The following PARS2 variants were observed in gnomAD, a reference collection of about 807,000 sequenced individuals.
PARS2 encodes the protein prolyl-tRNA synthetase 2, mitochondrial, also known as probable proline--tRNA ligase, mitochondrial.
Under a neutral mutation model 27.4 loss-of-function variants are expected in PARS2, and 20 were observed. The ratio of observed to expected loss-of-function variants is 0.73; its 90% CI spans 0.51 to 1.06. PARS2 has a LOEUF of 1.06. Among genes scored for constraint, PARS2 ranks in the 50% least tolerant of loss-of-function variants. The pLI, the probability that PARS2 is intolerant of heterozygous loss-of-function variation, is 0.00. For missense variants in PARS2, 585 were observed against 602.1 expected, an observed-to-expected ratio of 0.97 and a Z score of 0.30; for synonymous variants, 240 against 247.1, an observed-to-expected ratio of 0.97 and a Z score of 0.27.
At chr1:54,761,760 C>T (rs1413951400) in intron 1 of PARS2, among the ~76,000 whole-genome samples, 1 of 152,188 alleles carries the variant, frequency 6.6e-6, no homozygotes, top group Non-Finnish European at 1.5e-5. Flanking sequence ...AGCTTGTCCC[C>T]TCCAACCTCA....
chr1:54,759,203 G>T lies in PARS2; in HGVS notation c.-29-13C>A. 1.4e-6 allele frequency: 2 copies of T among 1,469,728 alleles called. No homozygotes were observed. The highest frequency in any genetic ancestry group is 1.3e-5 in the South Asian group (1 of 75,692). The allele number at this position is 1,469,728 out of a possible 1,614,324, so 91.0% of individuals were successfully genotyped here. On this transcript the variant is annotated splice_polypyrimidine_tract_variant and intron_variant, in intron 1 of 1. Transcript: ENST00000371279. ...GAAGCACAGGCACCTGAGGAAAAAT[G>T]AGTTGTGTGAGAATGAGCCTCATCC...
intron 1 of PARS2, among the ~76,000 whole-genome samples, chr1:54,759,622 G>A (rs139124829): frequency 1.2e-4 from 18 of 152,292 alleles, no homozygotes; most frequent in African/African-American, 4.3e-4. Context: ...AGTTATAAAA[G>A]TTCTTGGAAC....
At chr1:54,760,616 C>G (rs1210001962) in intron 1 of PARS2, among the ~76,000 whole-genome samples, 2 of 152,194 alleles carry the variant, frequency 1.3e-5, no homozygotes, top group Admixed American at 1.3e-4. Flanking sequence ...GGGAGACTTC[C>G]CAAGCACAGA....
At chr1:54,763,691 G>T (rs1646169397) in intron 1 of PARS2, among the ~76,000 whole-genome samples, 2 of 152,254 alleles carry the variant, frequency 1.3e-5, no homozygotes, top group African/African-American at 4.8e-5. Flanking sequence ...AACACTTCAG[G>T]CTCTGGCAAA....
Position 54,758,567 on chromosome 1 carries a change from G to C in PARS2, c.595C>G (p.Leu199Val). ...TTCATGTAAAACTCTCGGCCACGGA[G>C]AAGACCAAAGCGGGGCCTGGGCTCA... is the stretch of plus-strand genomic sequence containing the variant. ...RDEPRPRFGL[L>V]RGREFYMKDM... Residue 199 changes from leucine to valine, a missense_variant, in exon 2 of 2, where the codon CTC (leucine) becomes GTC (valine). Coordinates refer to ENST00000371279, the MANE Select transcript of PARS2 (RefSeq NM_152268.4). The C allele has an allele frequency of 6.2e-7, 1 of 1,614,218 alleles. No individual in the cohort carries two copies. Among genetic ancestry groups the C allele is most frequent in the Non-Finnish European group, 8.5e-7 (1 of 1,180,028 alleles).
intron 1 of PARS2, among the ~76,000 whole-genome samples, chr1:54,760,141 A>G (rs938489223): frequency 2.6e-5 from 4 of 152,030 alleles, no homozygotes; most frequent in Non-Finnish European, 5.9e-5. Context: ...ACCTGCCCCC[A>G]ATATTTAAAT....
chr1:54,763,536 A>ATT (rs1372915523), intron 1 of PARS2, among the ~76,000 whole-genome samples: 1 of 152,212 alleles, frequency 6.6e-6, no homozygotes, highest in Non-Finnish European at 1.5e-5. Context: ...CAATGATATA[A>ATT]TTATCTGGAT....
Position 54,756,940 on chromosome 1 carries a change from AGTG to A in PARS2, c.*791_*793del, listed in dbSNP as rs1041116001. ...TATTAAATCAATAGAACGGGATCTC[AGTG>A]GTTAAGCCGTCTTAACAGGGCCAGG... On this transcript the variant is annotated 3_prime_UTR_variant, in exon 2 of 2. Coordinates refer to ENST00000371279, the MANE Select transcript of PARS2 (RefSeq NM_152268.4). 29 of 152,158 alleles carry A rather than the reference AGTG, an allele frequency of 1.9e-4. No homozygotes were observed. Among genetic ancestry groups the A allele is most frequent in the African/African-American group, 5.5e-4 (23 of 41,444 alleles). 9.4% of individuals were successfully genotyped at this position (152,158 alleles called of 1,614,324 possible).
Position 54,757,701 on chromosome 1 carries a change from C to T in PARS2, c.*33G>A. 6.9e-7 allele frequency: 1 copy of T among 1,457,466 alleles called. No individual in the cohort carries two copies. Among genetic ancestry groups the T allele is most frequent in the Non-Finnish European group, 9.5e-7 (1 of 1,056,676 alleles). 90.3% of individuals were successfully genotyped at this position (1,457,466 alleles called of 1,614,324 possible). ...TGCAGTGTTAGAACGAACACCAAGGCTGCAAATGGGGGCAGGGGTGGGCTG... is the reference window on the plus strand; with the variant it reads ...TGCAGTGTTAGAACGAACACCAAGGTTGCAAATGGGGGCAGGGGTGGGCTG... On this transcript the variant is annotated 3_prime_UTR_variant, in exon 2 of 2. Transcript: ENST00000371279.
chr1:54,760,698 G>C lies in PARS2; in HGVS notation c.-29-1508C>G, dbSNP rs576880863. Among the ~76,000 whole-genome samples the C allele has an allele frequency of 5.9e-5, 9 of 152,240 alleles. 1 individual carries two copies. In the East Asian group the frequency reaches 1.7e-3, roughly 29 times the overall value. ...ATAAGGTCTAAGCTTCTGACTTTCA[G>C]GGTGTGCACAGCCCCACATAAGCTG... is the stretch of plus-strand genomic sequence containing the variant. On this transcript the variant is annotated intron_variant, in intron 1 of 1. Coordinates refer to ENST00000371279, the MANE Select transcript of PARS2 (RefSeq NM_152268.4).
In PARS2 at chr1:54,758,288, A is replaced by G. The variant is rs779085274; in HGVS notation, c.874T>C (p.Cys292Arg). The change falls in exon 2 of 2, where the codon TGC (cysteine) becomes CGC (arginine). Residue 292 changes from cysteine to arginine, a missense_variant. Coordinates refer to ENST00000371279, the MANE Select transcript of PARS2 (RefSeq NM_152268.4). ...METLDLSQMN[C>R]PACQGPLTKT... ...GTCAATGGGCCCTGGCAAGCAGGGC[A>G]GTTCATTTGTGACAAGTCTAGTGTC... 5.0e-6 allele frequency: 8 copies of G among 1,614,232 alleles called. No individual in the cohort carries two copies. The highest frequency in any genetic ancestry group is 6.8e-6 in the Non-Finnish European group (8 of 1,180,038).
chr1:54,760,681 T>C (rs1158314213), intron 1 of PARS2, among the ~76,000 whole-genome samples: 1 of 152,234 alleles, frequency 6.6e-6, no homozygotes, highest in Non-Finnish European at 1.5e-5. Flanking sequence ...GAATAAGGTC[T>C]AAGCTTCTGA....
At chr1:54,762,720 T>C (rs1646164359) in intron 1 of PARS2, among the ~76,000 whole-genome samples, 1 of 152,154 alleles carries the variant, frequency 6.6e-6, no homozygotes, top group Admixed American at 6.5e-5. Context: ...CTCAATAACA[T>C]GTTCCTTTTT....
chr1:54,758,411 T>C lies in PARS2; in HGVS notation c.751A>G (p.Ile251Val). 6 of 1,614,224 alleles carry C rather than the reference T, an allele frequency of 3.7e-6. No homozygotes were observed. The highest frequency in any genetic ancestry group is 5.1e-6 in the Non-Finnish European group (6 of 1,180,046). ...AACTCATGAGACACTGTGCCCCCGA[T>C]GGTGCCCACATCGGCCTGGACCTTG... is the stretch of plus-strand genomic sequence containing the variant. ...FVKVQADVGT[I>V]GGTVSHEFQL... The change falls in exon 2 of 2, where the codon ATC (isoleucine) becomes GTC (valine). Residue 251 changes from isoleucine (I) to valine (V), a missense_variant. Ile to Val is a conservative substitution (Grantham distance 29). Coordinates refer to ENST00000371279, the MANE Select transcript of PARS2 (RefSeq NM_152268.4).
intron 1 of PARS2, among the ~76,000 whole-genome samples, chr1:54,760,050 T>C (rs1003914371): frequency 6.6e-6 from 1 of 151,958 alleles, no homozygotes; most frequent in Non-Finnish European, 1.5e-5. Context: ...TCCCTCAGCC[T>C]GGAGTCAACT....
rs1203628047 is a variant in PARS2, at chr1:54,757,712, G to A, written c.*22C>T. On this transcript the variant is annotated 3_prime_UTR_variant, in exon 2 of 2. Transcript: ENST00000371279. ...AACGAACACCAAGGCTGCAAATGGG[G>A]GCAGGGGTGGGCTGGGGGCATTTAG... The A allele has an allele frequency of 3.9e-6, 6 of 1,522,522 alleles. No individual in the cohort carries two copies. The East Asian group carries it at 1.1e-4, about 29-fold the overall frequency. 94.3% of individuals were successfully genotyped at this position (1,522,522 alleles called of 1,614,324 possible).
chr1:54,764,049 C>T (rs573284988), intron 1 of PARS2, among the ~76,000 whole-genome samples: 1 of 152,356 alleles, frequency 6.6e-6, no homozygotes, highest in South Asian at 2.1e-4. Flanking sequence ...CATTAAACAG[C>T]AATGGAACCC....
chr1:54,763,859 TACATAATATTA>T (rs990189143), intron 1 of PARS2, among the ~76,000 whole-genome samples: 31 of 152,344 alleles, frequency 2.0e-4, no homozygotes, highest in Admixed American at 1.9e-3. Context: ...CCGTACCTGA[TACATAATATTA>T]AGTCTCACAA....
intron 1 of PARS2, among the ~76,000 whole-genome samples, chr1:54,761,863 A>G (rs938876713): frequency 4.6e-5 from 7 of 152,220 alleles, no homozygotes; most frequent in Admixed American, 3.3e-4. Flanking sequence ...GTAGGAACGT[A>G]CGGGCCATGG....
Sources: gnomAD v4.1 joint callset for allele counts (sites outside exome capture counted in the v4.1 genomes callset) on GRCh38, gnomAD v4.1.1 for gene constraint, MANE v1.5 for transcripts, NCBI Gene and HGNC (gene_info 2026-07-23, HGNC 2026-07-21) for gene names.